KIAA0040: variants seen among roughly 807,000 people sequenced by gnomAD.
The protein encoded by KIAA0040 is KIAA0040, also known as uncharacterized protein KIAA0040.
KIAA0040 carries 10 observed loss-of-function variants against 7.2 expected under a neutral mutation model. The ratio of observed to expected loss-of-function variants is 1.38; its 90% CI spans 0.85 to 2.34. The LOEUF (loss-of-function observed/expected upper bound fraction) is 2.34, where lower values mean the gene tolerates loss of function less well. KIAA0040 is among the 30% of genes most tolerant of loss of function. KIAA0040 has a pLI of 0.00. For missense variants in KIAA0040, 89 were observed against 108.2 expected, an observed-to-expected ratio of 0.82 and a Z score of 0.79; for synonymous variants, 49 against 40.1, an observed-to-expected ratio of 1.22 and a Z score of -0.84.
chr1:175,186,443 T>C (rs1677662088), intron 1 of KIAA0040, among the ~76,000 whole-genome samples: 1 of 152,234 alleles, frequency 6.6e-6, no homozygotes, highest in African/African-American at 2.4e-5. Context: ...TAATATTTTA[T>C]AAACCACCAA....
intron 1 of KIAA0040, among the ~76,000 whole-genome samples, chr1:175,177,913 G>T (rs1221152789): frequency 6.6e-6 from 1 of 152,200 alleles, no homozygotes; most frequent in African/African-American, 2.4e-5. Flanking sequence ...GGGCTGTTAG[G>T]AACTGTACAA....
chr1:175,181,174 T>C (rs1337279222), intron 1 of KIAA0040, among the ~76,000 whole-genome samples: 2 of 151,842 alleles, frequency 1.3e-5, no homozygotes, highest in Admixed American at 1.3e-4. Flanking sequence ...TCAATTGATA[T>C]GATTTTATTT....
chr1:175,184,674 A>G (rs1677585556), intron 1 of KIAA0040, among the ~76,000 whole-genome samples: 2 of 152,334 alleles, frequency 1.3e-5, no homozygotes, highest in South Asian at 4.1e-4. Context: ...TGCACTGGAA[A>G]TGCAATGATG....
intron 1 of KIAA0040, among the ~76,000 whole-genome samples, chr1:175,180,879 T>G (rs1484916289): frequency 6.6e-6 from 1 of 152,138 alleles, no homozygotes; most frequent in African/African-American, 2.4e-5. Flanking sequence ...ATATACAGGG[T>G]CTCACTCTGT....
chr1:175,171,284 C>T (rs1331955902), intron 2 of KIAA0040, among the ~76,000 whole-genome samples: 2 of 152,212 alleles, frequency 1.3e-5, no homozygotes, highest in Non-Finnish European at 2.9e-5. Context: ...ACTTACAATG[C>T]TGCTGTCACG....
At position 175,166,311 on chromosome 1, in the gene KIAA0040, C is replaced by T. The variant is rs144269660; in HGVS notation, c.-134+251G>A. Among the ~76,000 whole-genome samples the T allele has an allele frequency of 2.0e-5, 3 of 152,292 alleles. No homozygotes were observed. The East Asian group carries it at 5.8e-4, about 29-fold the overall frequency. ...TGACAGCAGGATGGACTGTTGGCTACGAAGAGTCATTTAAGGAGTTAAAAA... is the reference window on the plus strand; with the variant it reads ...TGACAGCAGGATGGACTGTTGGCTATGAAGAGTCATTTAAGGAGTTAAAAA... On this transcript the variant is annotated intron_variant, in intron 3 of 3. Coordinates refer to ENST00000423313, the MANE Select transcript of KIAA0040 (RefSeq NM_014656.3).
intron 1 of KIAA0040, among the ~76,000 whole-genome samples, chr1:175,185,461 T>C (rs930675466): frequency 6.6e-6 from 1 of 152,184 alleles, no homozygotes; most frequent in African/African-American, 2.4e-5. Context: ...TAATCCCGAA[T>C]CTCTAGGGCA....
At chr1:175,169,865 G>A (rs1163165176) in intron 2 of KIAA0040, among the ~76,000 whole-genome samples, 3 of 152,108 alleles carry the variant, frequency 2.0e-5, no homozygotes, top group Non-Finnish European at 4.4e-5. Flanking sequence ...ACGACAAACT[G>A]CCCTTTTGTC....
At chr1:175,188,686 T>C (rs927938445) in intron 1 of KIAA0040, among the ~76,000 whole-genome samples, 1 of 152,190 alleles carries the variant, frequency 6.6e-6, no homozygotes, top group African/African-American at 2.4e-5. Flanking sequence ...TTTCTCTTCT[T>C]GAGGGGTCTT....
intron 1 of KIAA0040, among the ~76,000 whole-genome samples, chr1:175,185,774 G>A (rs1481227825): frequency 2.0e-5 from 3 of 152,172 alleles, no homozygotes; most frequent in Non-Finnish European, 1.5e-5. Context: ...TAGCCACAAG[G>A]TGGAAACAAC....
intron 1 of KIAA0040, among the ~76,000 whole-genome samples, chr1:175,182,703 G>A (rs893081119): frequency 6.6e-6 from 1 of 152,200 alleles, no homozygotes; most frequent in African/African-American, 2.4e-5. Context: ...AATATGGAAA[G>A]TCCCCTTCCC....
chr1:175,157,085 A>ACTT lies in KIAA0040; in HGVS notation c.*3626_*3628dup, dbSNP rs1676299279. On this transcript the variant is annotated 3_prime_UTR_variant, in exon 4 of 4. Coordinates refer to ENST00000423313, the MANE Select transcript of KIAA0040 (RefSeq NM_014656.3). ...GAACCATATTGAACAGTGTACACAC[A>ACTT]CTTACACACACACATACACACAGTT... 6.6e-6 allele frequency: 1 copy of ACTT among 152,238 alleles called. No homozygotes were observed. The highest frequency in any genetic ancestry group is 6.5e-5 in the Admixed American group (1 of 15,284). The allele number at this position is 152,238 out of a possible 1,614,324, so 9.4% of individuals were successfully genotyped here.
Position 175,161,130 on chromosome 1 carries a change from C to T in KIAA0040, c.-117G>A, listed in dbSNP as rs1676527263. ...TTCCTCTTCCAGCTTTGGGTTTGGG[C>T]ATGCCACTGGCAGCACCTGAAGAGA... On this transcript the variant is annotated 5_prime_UTR_variant, in exon 4 of 4. An upstream start codon of the reference 5' UTR is lost. Transcript: ENST00000423313. The T allele has an allele frequency of 4.2e-6, 4 of 951,102 alleles. No individual in the cohort carries two copies. The highest frequency in any genetic ancestry group is 6.2e-6 in the Non-Finnish European group (4 of 643,660). 58.9% of individuals were successfully genotyped at this position (951,102 alleles called of 1,614,324 possible). A position where few individuals can be genotyped will look rare whatever the true frequency, so the allele number is the denominator to read the frequency against.
chr1:175,184,112 G>A (rs1677556649), intron 1 of KIAA0040, among the ~76,000 whole-genome samples: 1 of 152,288 alleles, frequency 6.6e-6, no homozygotes, highest in South Asian at 2.1e-4. Flanking sequence ...ACAGTGCCTG[G>A]GAGACAGGAG....
At chr1:175,178,880 A>C (rs917373283) in intron 1 of KIAA0040, among the ~76,000 whole-genome samples, 1 of 152,114 alleles carries the variant, frequency 6.6e-6, no homozygotes, top group Non-Finnish European at 1.5e-5. Context: ...TTAAATGCTA[A>C]ACTGAAAACC....
At chr1:175,188,692 G>A (rs1677755743) in intron 1 of KIAA0040, among the ~76,000 whole-genome samples, 1 of 152,164 alleles carries the variant, frequency 6.6e-6, no homozygotes, top group Non-Finnish European at 1.5e-5. Context: ...TTCTTGAGGG[G>A]TCTTTGGGAA....
intron 1 of KIAA0040, among the ~76,000 whole-genome samples, chr1:175,182,351 T>C (rs1363370030): frequency 6.6e-6 from 1 of 152,202 alleles, no homozygotes; most frequent in Non-Finnish European, 1.5e-5. Context: ...TGATGATAAT[T>C]CTGACTTCAA....
rs1025725782 is a variant in KIAA0040, at chr1:175,159,664, T to C, written c.*1050A>G. ...CTGTGAGACTGCACTGATGATTGTC[T>C]AGTTCCTTCCCTGCTGGAAACTTTG... On this transcript the variant is annotated 3_prime_UTR_variant, in exon 4 of 4. Coordinates refer to ENST00000423313, the MANE Select transcript of KIAA0040 (RefSeq NM_014656.3). The C allele has an allele frequency of 1.3e-5, 2 of 152,270 alleles. No individual in the cohort carries two copies. Among genetic ancestry groups the C allele is most frequent in the East Asian group, 1.9e-4 (1 of 5,194 alleles). 9.4% of individuals were successfully genotyped at this position (152,270 alleles called of 1,614,324 possible). A position where few individuals can be genotyped will look rare whatever the true frequency, so the allele number is the denominator to read the frequency against.
At chr1:175,167,899 T>C (rs1676831286) in intron 2 of KIAA0040, among the ~76,000 whole-genome samples, 1 of 152,056 alleles carries the variant, frequency 6.6e-6, no homozygotes. Context: ...CTTTTTTTTT[T>C]TCCTTTCCAA....
Sources: allele counts gnomAD v4.1 joint callset (sites outside exome capture counted in the v4.1 genomes callset), GRCh38; gene constraint gnomAD v4.1.1; transcripts MANE v1.5; gene names NCBI Gene and HGNC (gene_info 2026-07-23, HGNC 2026-07-21).